Variants in RTL9 observed in about 807,000 individuals in gnomAD.
RTL9 encodes the protein retrotransposon Gag-like protein 9.
RTL9 carries 19 observed loss-of-function variants against 44.7 expected under a neutral mutation model. The ratio of observed to expected loss-of-function variants is 0.42; its 90% CI spans 0.30 to 0.62. The LOEUF (loss-of-function observed/expected upper bound fraction) is 0.62. Ranked by LOEUF, RTL9 falls within the 20% of genes least tolerant of loss-of-function variation. The probability of loss-of-function intolerance (pLI) is 0.16; values close to 1 mark genes in which losing one functional copy is unlikely to be tolerated. For synonymous variants in RTL9, 407 were observed against 398.9 expected (o/e 1.02, Z -0.24); for missense variants, 1,105 against 1,080.6 (o/e 1.02, Z -0.32).
At chrX:110,382,904 C>T (rs1269904511) in intron 1 of RTL9, among the ~76,000 whole-genome samples, 1 of 111,954 alleles carries the variant, frequency 8.9e-6, no homozygotes, top group Non-Finnish European at 1.9e-5. Context: ...TATTGAGCTT[C>T]CTATACTCTC....
intron 1 of RTL9, among the ~76,000 whole-genome samples, chrX:110,401,323 C>T (rs754240845): frequency 1.8e-5 from 2 of 110,973 alleles, no homozygotes; most frequent in Non-Finnish European, 3.8e-5. Context: ...CAGTGTGTCT[C>T]GGGGACTCAG....
At chrX:110,420,993 C>T (rs779622197) in intron 1 of RTL9, among the ~76,000 whole-genome samples, 1 of 111,482 alleles carries the variant, frequency 9.0e-6, no homozygotes, top group East Asian at 2.8e-4. Flanking sequence ...ATTACACCAG[C>T]GAGAGAGCTG....
At chrX:110,377,136 C>G (rs1005558404) in intron 1 of RTL9, among the ~76,000 whole-genome samples, 5 of 111,654 alleles carry the variant, frequency 4.5e-5, no homozygotes, top group Admixed American at 3.8e-4. Flanking sequence ...AAGATACTTA[C>G]AGGAGATAAC....
chrX:110,371,682 C>T (rs761388834), intron 1 of RTL9, among the ~76,000 whole-genome samples: 63 of 111,290 alleles, frequency 5.7e-4, no homozygotes, highest in Admixed American at 1.9e-3. Flanking sequence ...TCCTGGCTCC[C>T]TCTTTATGGA....
At position 110,444,404 on chromosome X, in the gene RTL9, A is replaced by G. The variant is rs751114006; in HGVS notation, c.-167-749A>G. Reference sequence around the variant, plus strand: ...TGTGTTGATACCTTAACTGTGAGTGATTCCCTAAAGCAGGTCCTTGGACAA... The same window carrying G: ...TGTGTTGATACCTTAACTGTGAGTGGTTCCCTAAAGCAGGTCCTTGGACAA... On this transcript the variant is annotated intron_variant, in intron 1 of 3. Transcript: ENST00000465301. Among the ~76,000 whole-genome samples, 7 of 112,785 alleles carry G rather than the reference A, an allele frequency of 6.2e-5. No homozygotes were observed. In the South Asian group the frequency reaches 2.6e-3, roughly 41 times the overall value.
intron 1 of RTL9, among the ~76,000 whole-genome samples, chrX:110,381,489 T>C (rs1480642170): frequency 8.9e-6 from 1 of 111,953 alleles, no homozygotes; most frequent in African/African-American, 3.3e-5. Context: ...TGTAAGTTAG[T>C]TCAGCCCCTG....
chrX:110,391,742 T>C (rs2068494932), intron 1 of RTL9, among the ~76,000 whole-genome samples: 1 of 112,274 alleles, frequency 8.9e-6, no homozygotes, highest in Admixed American at 9.5e-5. Flanking sequence ...GAAAAGGACA[T>C]ACTGTCAACT....
At chrX:110,380,367 T>C (rs1237709911) in intron 1 of RTL9, among the ~76,000 whole-genome samples, 3 of 111,130 alleles carry the variant, frequency 2.7e-5, no homozygotes, top group African/African-American at 9.8e-5. Context: ...AAAAATTAAA[T>C]ACCTAAGAAT....
chrX:110,409,014 C>G (rs1415857785), intron 1 of RTL9, among the ~76,000 whole-genome samples: 5 of 111,872 alleles, frequency 4.5e-5, no homozygotes, highest in Non-Finnish European at 7.5e-5. Context: ...TTGAACACCA[C>G]TGTGCTAGCC....
intron 1 of RTL9, among the ~76,000 whole-genome samples, chrX:110,377,182 T>A (rs776707242): frequency 5.4e-5 from 6 of 111,952 alleles, no homozygotes; most frequent in African/African-American, 1.9e-4. Context: ...GCTAGTTGAG[T>A]GTTTTACCCA....
chrX:110,397,011 C>T (rs776481210), intron 1 of RTL9, among the ~76,000 whole-genome samples: 12 of 111,838 alleles, frequency 1.1e-4, no homozygotes, highest in Non-Finnish European at 2.1e-4. Flanking sequence ...GAGCTGACTC[C>T]GGAGCCCACA....
At chrX:110,372,930 G>A (rs2068349712) in intron 1 of RTL9, among the ~76,000 whole-genome samples, 1 of 111,856 alleles carries the variant, frequency 8.9e-6, no homozygotes, top group African/African-American at 3.3e-5. Flanking sequence ...AAAACAAAGA[G>A]TAGAAGGATG....
upstream of RTL9, among the ~76,000 whole-genome samples, chrX:110,414,635 C>T (rs754539941): frequency 2.7e-5 from 3 of 112,929 alleles, no homozygotes; most frequent in South Asian, 3.7e-4. Context: ...CCATCTCATT[C>T]GTTTAGACCT....
At chrX:110,401,037 A>G (rs1434813970) in intron 1 of RTL9, among the ~76,000 whole-genome samples, 1 of 112,323 alleles carries the variant, frequency 8.9e-6, no homozygotes, top group Non-Finnish European at 1.9e-5. Flanking sequence ...AACCATTTAC[A>G]CAAACAATCT....
intron 1 of RTL9, among the ~76,000 whole-genome samples, chrX:110,397,203 C>T (rs2068534109): frequency 9.0e-6 from 1 of 111,123 alleles, no homozygotes; most frequent in African/African-American, 3.3e-5. Context: ...TGAGCTTGAT[C>T]TCCATGTCTA....
At chrX:110,368,570 C>G (rs1229118379) in intron 1 of RTL9, among the ~76,000 whole-genome samples, 3 of 112,268 alleles carry the variant, frequency 2.7e-5, no homozygotes, top group Non-Finnish European at 5.6e-5. Flanking sequence ...ATCAGTGATA[C>G]TTTCTTTATC....
chrX:110,439,357 A>G (rs2068863066), intron 1 of RTL9, among the ~76,000 whole-genome samples: 1 of 112,303 alleles, frequency 8.9e-6, no homozygotes, highest in African/African-American at 3.2e-5. Flanking sequence ...GAGCCTCCCC[A>G]TTGTGGCAGC....
At chrX:110,386,682 G>T (rs774430258) in intron 1 of RTL9, among the ~76,000 whole-genome samples, 1 of 111,087 alleles carries the variant, frequency 9.0e-6, no homozygotes, top group East Asian at 2.8e-4. Flanking sequence ...TTGTAAGTTC[G>T]CATATAATAA....
intron 1 of RTL9, among the ~76,000 whole-genome samples, chrX:110,367,089 C>T: frequency 8.9e-6 from 1 of 112,232 alleles, no homozygotes; most frequent in Non-Finnish European, 1.9e-5. Context: ...TGGGATTCCA[C>T]TGAATGCTGA....
Sources: allele counts gnomAD v4.1 joint callset (sites outside exome capture counted in the v4.1 genomes callset), GRCh38; gene constraint gnomAD v4.1.1; transcripts MANE v1.5; gene names NCBI Gene and HGNC (gene_info 2026-07-23, HGNC 2026-07-21).